The following MAGI2 variants were observed in gnomAD, a reference collection of about 807,000 sequenced individuals.
The protein encoded by MAGI2 is membrane-associated guanylate kinase, WW and PDZ domain-containing protein 2.
A neutral mutation model predicts 133.3 loss-of-function variants in MAGI2; 35 were observed. The observed-to-expected ratio is 0.26, with a 90% confidence interval of 0.20 to 0.35. The LOEUF is 0.35. MAGI2 is among the 10% of genes least tolerant of loss of function. The pLI is 1.00. For missense variants in MAGI2, 1,636 were observed against 1,863.4 expected (o/e 0.88, Z 2.25); for synonymous variants, 729 against 710.6 (o/e 1.03, Z -0.41).
At chr7:78,572,444 C>T (rs532191465) in intron 3 of MAGI2, among the ~76,000 whole-genome samples, 3 of 152,140 alleles carry the variant, frequency 2.0e-5, no homozygotes, top group South Asian at 2.1e-4. Context: ...GTTAAATTGG[C>T]GGCCCTCAGG....
intron 14 of MAGI2, among the ~76,000 whole-genome samples, chr7:78,177,430 A>C (rs202197394): frequency 4.0e-5 from 3 of 75,792 alleles, no homozygotes; most frequent in South Asian, 1.0e-3. Flanking sequence ...ACACACACAC[A>C]CACACACACA....
chr7:79,298,996 T>C (rs1213978642), intron 1 of MAGI2, among the ~76,000 whole-genome samples: 1 of 152,186 alleles, frequency 6.6e-6, no homozygotes, highest in Non-Finnish European at 1.5e-5. Flanking sequence ...CACCCCATGG[T>C]ATTTTGTCAT....
At chr7:79,413,297 C>A (rs1299933692) in intron 1 of MAGI2, 1 of 152,106 alleles carries the variant, frequency 6.6e-6, no homozygotes, top group Non-Finnish European at 1.5e-5. Flanking sequence ...ACTTCCTATT[C>A]TATCCTTTAA....
At chr7:79,353,786 T>C in intron 1 of MAGI2, 1 of 220,042 alleles carries the variant, frequency 4.5e-6, no homozygotes, top group Non-Finnish European at 9.5e-6. Context: ...ACTGAGTCCA[T>C]CTAACAACCA....
chr7:78,268,164 A>G (rs1794201859), intron 9 of MAGI2, among the ~76,000 whole-genome samples: 1 of 152,046 alleles, frequency 6.6e-6, no homozygotes, highest in Non-Finnish European at 1.5e-5. Flanking sequence ...TTTAAACTAA[A>G]TCTAGTATGA....
intron 1 of MAGI2, among the ~76,000 whole-genome samples, chr7:79,071,269 T>A (rs4285422): frequency 1.3e-5 from 2 of 152,230 alleles, no homozygotes; most frequent in African/African-American, 4.8e-5. Context: ...TGGGTATCAC[T>A]GGTGGAGGCT....
intron 6 of MAGI2, among the ~76,000 whole-genome samples, chr7:78,411,165 T>C (rs1006832355): frequency 1.3e-5 from 2 of 152,036 alleles, no homozygotes; most frequent in East Asian, 1.9e-4. Context: ...ATGAGCCCTA[T>C]GTAGCAGCCT....
intron 2 of MAGI2, among the ~76,000 whole-genome samples, chr7:78,678,952 T>A (rs1005669352): frequency 1.9e-4 from 29 of 152,308 alleles, no homozygotes; most frequent in African/African-American, 6.3e-4. Context: ...CCAAGTCACT[T>A]ATTCCAAGTG....
chr7:79,128,882 A>G (rs1820667207), intron 1 of MAGI2, among the ~76,000 whole-genome samples: 1 of 152,050 alleles, frequency 6.6e-6, no homozygotes, highest in South Asian at 2.1e-4. Context: ...AGGCTACTTT[A>G]TTTTTTGAGA....
chr7:78,512,286 T>G (rs531932928), intron 4 of MAGI2, among the ~76,000 whole-genome samples: 1 of 152,310 alleles, frequency 6.6e-6, no homozygotes, highest in East Asian at 1.9e-4. Context: ...AAGGAGATAT[T>G]AGAATTAGGG....
intron 1 of MAGI2, among the ~76,000 whole-genome samples, chr7:79,052,464 C>T (rs552682342): frequency 1.1e-4 from 17 of 152,294 alleles, no homozygotes; most frequent in African/African-American, 3.6e-4. Context: ...ATGAGGCTGT[C>T]CCTGCAGAAG....
chr7:78,390,110 T>C (rs1247164830), intron 6 of MAGI2, among the ~76,000 whole-genome samples: 1 of 152,232 alleles, frequency 6.6e-6, no homozygotes, highest in Non-Finnish European at 1.5e-5. Context: ...ATATTTGACA[T>C]CTGGACAGAA....
rs554010061 is a variant in MAGI2, at chr7:78,529,668, G to GTTTTTTTTTT, written c.539-8033_539-8024dup. 6.2e-3 allele frequency among the ~76,000 whole-genome samples: 357 copies of GTTTTTTTTTT among 57,404 alleles called. 77 individuals are homozygous for GTTTTTTTTTT. The highest frequency in any genetic ancestry group is 9.1e-3 in the African/African-American group (165 of 18,072). 37.7% of individuals were successfully genotyped at this position (57,404 alleles called of 152,430 possible). A position where few individuals can be genotyped will look rare whatever the true frequency, so the allele number is the denominator to read the frequency against. ...TTTCTTTTCCTTGCTAAAGGAGATG[G>GTTTTTTTTTT]TTTTTTTTTTTTTTTTTTTTTTTTT... On this transcript the variant is annotated intron_variant, in intron 3 of 21. Transcript: ENST00000354212.
In MAGI2 at chr7:78,650,315, T is replaced by C. The variant is rs952188009; in HGVS notation, c.419-23076A>G. On this transcript the variant is annotated intron_variant, in intron 2 of 21. Transcript: ENST00000354212. Reference sequence around the variant, plus strand: ...ATCATAAAAATGTTCTTGGTTCCAATTGCCTGAACTTCCAGTCCAGGGGAA... The same window carrying C: ...ATCATAAAAATGTTCTTGGTTCCAACTGCCTGAACTTCCAGTCCAGGGGAA... Among the ~76,000 whole-genome samples, 8 of 152,158 alleles carry C rather than the reference T, an allele frequency of 5.3e-5. 1 individual carries two copies. The highest frequency in any genetic ancestry group is 4.1e-4 in the South Asian group (2 of 4,828).
chr7:79,077,806 G>C (rs1037873439), intron 1 of MAGI2, among the ~76,000 whole-genome samples: 1 of 151,822 alleles, frequency 6.6e-6, no homozygotes, highest in Non-Finnish European at 1.5e-5. Context: ...TATTTACATG[G>C]ATGTACTGTA....
At chr7:79,169,191 T>C (rs1188546925) in intron 1 of MAGI2, among the ~76,000 whole-genome samples, 1 of 152,036 alleles carries the variant, frequency 6.6e-6, no homozygotes, top group African/African-American at 2.4e-5. Flanking sequence ...TCCATAAATG[T>C]TGGTATTCCT....
At chr7:79,439,414 G>C (rs1199106675) in intron 1 of MAGI2, among the ~76,000 whole-genome samples, 1 of 152,038 alleles carries the variant, frequency 6.6e-6, no homozygotes, top group Non-Finnish European at 1.5e-5. Flanking sequence ...TAGACTTGGA[G>C]CTCAAATCCA....
chr7:78,606,729 A>G (rs1410013940), intron 3 of MAGI2, among the ~76,000 whole-genome samples: 1 of 152,214 alleles, frequency 6.6e-6, no homozygotes, highest in Non-Finnish European at 1.5e-5. Flanking sequence ...ATTTTATGGC[A>G]TCAATAAAGT....
At chr7:79,356,025 C>T (rs74324966) in intron 1 of MAGI2, among the ~76,000 whole-genome samples, 19,896 of 151,924 alleles carry the variant, frequency 0.13, 1,411 homozygotes, top group Middle Eastern at 0.19. Context: ...TAGGAAATAA[C>T]CAGAAATAAA....
Sources: allele counts gnomAD v4.1 joint callset (sites outside exome capture counted in the v4.1 genomes callset), GRCh38; gene constraint gnomAD v4.1.1; transcripts MANE v1.5; gene names NCBI Gene and HGNC (gene_info 2026-07-23, HGNC 2026-07-21).